Variants in MLYCD observed in about 807,000 individuals in gnomAD.
MLYCD encodes the protein malonyl-CoA decarboxylase, mitochondrial.
A neutral mutation model predicts 35.8 loss-of-function variants in MLYCD; 27 were observed. That is an observed-to-expected ratio of 0.75 (90% CI 0.56 to 1.04). The LOEUF (loss-of-function observed/expected upper bound fraction) is 1.04. MLYCD is among the 50% of genes least tolerant of loss of function. The probability of loss-of-function intolerance (pLI) is 0.00; values close to 1 mark genes in which losing one functional copy is unlikely to be tolerated. For missense variants in MLYCD, 917 were observed against 665.1 expected (o/e 1.38, Z -4.17); for synonymous variants, 403 against 302.4 (o/e 1.33, Z -3.45).
At chr16:83,909,866 C>T (rs113411849) in intron 3 of MLYCD, among the ~76,000 whole-genome samples, 9,368 of 151,570 alleles carry the variant, frequency 0.062, 389 homozygotes, top group Non-Finnish European at 0.092. Flanking sequence ...CTCCCGACCT[C>T]AGGTGATCTG....
intron 3 of MLYCD, among the ~76,000 whole-genome samples, chr16:83,909,400 T>C (rs57179511): frequency 0.073 from 11,061 of 152,196 alleles, 479 homozygotes; most frequent in East Asian, 0.11. Context: ...ACATCAGATA[T>C]CTGTGCATGT....
intron 1 of MLYCD, among the ~76,000 whole-genome samples, chr16:83,902,127 G>GTA (rs149705744): frequency 0.14 from 17,787 of 129,456 alleles, 1,959 homozygotes; most frequent in African/African-American, 0.3. Context: ...ATATGTATGT[G>GTA]TATATGTGTG....
rs1404301920 is a variant in MLYCD at position 83,908,073 on chromosome 16, C to T, written c.642-53C>T. 3.1e-6 allele frequency: 5 copies of T among 1,606,680 alleles called. No homozygotes were observed. In the East Asian group the frequency reaches 6.7e-5, roughly 21 times the overall value. Reference sequence around the variant, plus strand: ...GAATAGTATGAATAGGAGTCAGCAGCCGTTGCTTGTGAATTATGCATTTGT... The same window carrying T: ...GAATAGTATGAATAGGAGTCAGCAGTCGTTGCTTGTGAATTATGCATTTGT... On this transcript the variant is annotated intron_variant, in intron 2 of 4. Coordinates refer to ENST00000262430, the MANE Select transcript of MLYCD (RefSeq NM_012213.3).
At chr16:83,902,244 T>C (rs1334128753) in intron 1 of MLYCD, among the ~76,000 whole-genome samples, 1 of 148,998 alleles carries the variant, frequency 6.7e-6, no homozygotes, top group African/African-American at 2.5e-5. Context: ...TTTTTGTTCA[T>C]GTTTATGTTT....
intron 1 of MLYCD, among the ~76,000 whole-genome samples, chr16:83,906,770 TAA>T (rs1488916185): frequency 6.6e-6 from 1 of 151,740 alleles, no homozygotes; most frequent in Non-Finnish European, 1.5e-5. Context: ...CTGAAGTAGT[TAA>T]GTCTAAATAG....
At position 83,912,462 on chromosome 16, in the gene MLYCD, T is replaced by C. The variant is rs571828895; in HGVS notation, c.948+95T>C. 140 of 1,538,530 alleles carry C rather than the reference T, an allele frequency of 9.1e-5. 1 individual carries two copies. The East Asian group carries it at 3.1e-3, about 34-fold the overall frequency. ...TGTCAGGTGCCATGAGGGACACAGA[T>C]GAAGACAGGAGCTAAAGGGAGGGGC... On this transcript the variant is annotated intron_variant, in intron 4 of 4. Coordinates refer to ENST00000262430, the MANE Select transcript of MLYCD (RefSeq NM_012213.3).
At chr16:83,905,410 C>T (rs1467351777) in intron 1 of MLYCD, among the ~76,000 whole-genome samples, 2 of 151,854 alleles carry the variant, frequency 1.3e-5, no homozygotes, top group African/African-American at 2.4e-5. Flanking sequence ...TAACAAAGAC[C>T]CAAAATAACA....
At chr16:83,909,719 A>G (rs1466074405) in intron 3 of MLYCD, among the ~76,000 whole-genome samples, 1 of 149,934 alleles carries the variant, frequency 6.7e-6, no homozygotes, top group Non-Finnish European at 1.5e-5. Context: ...ACTCCCGGGT[A>G]CAAGCAATTC....
chr16:83,900,510 G>A (rs1906746556), intron 1 of MLYCD, among the ~76,000 whole-genome samples: 1 of 151,518 alleles, frequency 6.6e-6, no homozygotes, highest in South Asian at 2.1e-4. Context: ...GACTTCCCCA[G>A]GCTCAAGCAA....
chr16:83,912,505 C>A, intron 4 of MLYCD, 138 bp downstream of exon 4: 1 of 1,199,468 alleles, frequency 8.3e-7, no homozygotes, highest in African/African-American at 1.5e-5. Flanking sequence ...AGAAAAGGTG[C>A]CAGAGACCCC....
chr16:83,902,554 G>A (rs1906834615), intron 1 of MLYCD, among the ~76,000 whole-genome samples: 1 of 138,206 alleles, frequency 7.2e-6, no homozygotes, highest in East Asian at 2.1e-4. Context: ...TGCCCAGGCT[G>A]GAGTGCAGCA....
At chr16:83,908,402 T>G (rs1907058546) in intron 3 of MLYCD, 120 bp downstream of exon 3, 1 of 1,284,426 alleles carries the variant, frequency 7.8e-7, no homozygotes, top group Admixed American at 2.8e-5. Context: ...ATAAATGGTT[T>G]TGGGCTTTTT....
In MLYCD at chr16:83,899,144, C is replaced by A; in HGVS notation, c.-1C>A. ...CCCCTCGGCAGCTGTTGTGGGGCACCATGCGAGGCTTCGGGCCAGGCTTGA... is the reference window on the plus strand; with the variant it reads ...CCCCTCGGCAGCTGTTGTGGGGCACAATGCGAGGCTTCGGGCCAGGCTTGA... On this transcript the variant is annotated 5_prime_UTR_variant, in exon 1 of 5. Coordinates refer to ENST00000262430, the MANE Select transcript of MLYCD (RefSeq NM_012213.3). The A allele has an allele frequency of 1.8e-6, 2 of 1,138,010 alleles. No individual in the cohort carries two copies. Among genetic ancestry groups the A allele is most frequent in the Non-Finnish European group, 2.1e-6 (2 of 930,924 alleles). The allele number at this position is 1,138,010 out of a possible 1,614,324, so 70.5% of individuals were successfully genotyped here.
At position 83,908,407 on chromosome 16, in the gene MLYCD, C is replaced by CT. The variant is rs995946290; in HGVS notation, c.798+131dup. On this transcript the variant is annotated intron_variant, in intron 3 of 4. Transcript: ENST00000262430. ...TTTTTTTTAAATAAATGGTTTTGGG[C>CT]TTTTTTAAATTGGTTAAATAAAATC... 2.4e-6 allele frequency: 3 copies of CT among 1,246,748 alleles called. No individual in the cohort carries two copies. In the African/African-American group the frequency reaches 4.7e-5, roughly 20 times the overall value. 77.2% of individuals were successfully genotyped at this position (1,246,748 alleles called of 1,614,324 possible). A position where few individuals can be genotyped will look rare whatever the true frequency, so the allele number is the denominator to read the frequency against.
intron 3 of MLYCD, 37 bp downstream of exon 3, chr16:83,908,319 C>A: frequency 6.2e-7 from 1 of 1,608,212 alleles, no homozygotes; most frequent in Non-Finnish European, 8.5e-7. Context: ...AGATGGGCAC[C>A]CCATAGAGCC....
At chr16:83,911,879 G>C (rs1907191529) in intron 3 of MLYCD, 1 of 352,562 alleles carries the variant, frequency 2.8e-6, no homozygotes, top group South Asian at 2.4e-5. Flanking sequence ...TTATCGCTGA[G>C]TGTTGGCCGG....
At chr16:83,908,390 A>G in intron 3 of MLYCD, 108 bp downstream of exon 3, 6 of 1,103,842 alleles carry the variant, frequency 5.4e-6, no homozygotes, top group Non-Finnish European at 7.3e-6. Context: ...TTTTTTTTTT[A>G]AATAAATGGT....
chr16:83,901,610 G>A (rs1038375154), intron 1 of MLYCD, among the ~76,000 whole-genome samples: 1 of 152,168 alleles, frequency 6.6e-6, no homozygotes, highest in Admixed American at 6.6e-5. Context: ...TGAATTCTCT[G>A]GTTCTGTGAG....
At position 83,924,575 on chromosome 16, in the gene MLYCD, C is replaced by G. The variant is rs772999287; in HGVS notation, c.*9086C>G. On this transcript the variant is annotated 3_prime_UTR_variant, in exon 5 of 5. Transcript: ENST00000262430. Reference sequence around the variant, plus strand: ...TGGTTCACTGAAGAAAGGCAGCCCTCACTCCTGCTGCTCAGACAGCACCCC... The same window carrying G: ...TGGTTCACTGAAGAAAGGCAGCCCTGACTCCTGCTGCTCAGACAGCACCCC... The G allele has an allele frequency of 3.3e-5, 5 of 152,226 alleles. No homozygotes were observed. Among genetic ancestry groups the G allele is most frequent in the African/African-American group, 4.8e-5 (2 of 41,452 alleles). The allele number at this position is 152,226 out of a possible 1,614,324, so 9.4% of individuals were successfully genotyped here.
Sources: allele counts gnomAD v4.1 joint callset (sites outside exome capture counted in the v4.1 genomes callset), GRCh38; gene constraint gnomAD v4.1.1; transcripts MANE v1.5; gene names NCBI Gene and HGNC (gene_info 2026-07-23, HGNC 2026-07-21).